Variants in FAF1 observed in about 807,000 individuals in gnomAD.
The protein encoded by FAF1 is Fas associated factor 1.
In FAF1, 25 loss-of-function variants were observed where a neutral mutation model predicts 92.5. That is an observed-to-expected ratio of 0.27 (90% CI 0.20 to 0.38). The LOEUF (loss-of-function observed/expected upper bound fraction) is 0.38, where lower values mean the gene tolerates loss of function less well. FAF1 is among the 10% of genes least tolerant of loss of function. The pLI, the probability that FAF1 is intolerant of heterozygous loss-of-function variation, is 1.00. For missense variants in FAF1, 636 were observed against 793.3 expected, an observed-to-expected ratio of 0.80 and a Z score of 2.38; for synonymous variants, 234 against 273.2, an observed-to-expected ratio of 0.86 and a Z score of 1.42.
chr1:50,642,568 G>A (rs1654389403), intron 8 of FAF1, among the ~76,000 whole-genome samples: 1 of 151,942 alleles, frequency 6.6e-6, no homozygotes, highest in South Asian at 2.1e-4. Context: ...AGAGTCACTT[G>A]AACCCGGGAG....
chr1:50,679,445 T>C (rs1408242816), intron 7 of FAF1, among the ~76,000 whole-genome samples: 2 of 144,494 alleles, frequency 1.4e-5, no homozygotes, highest in African/African-American at 5.1e-5. Context: ...ACTTCACAGA[T>C]GAAAAAAAAA....
intron 1 of FAF1, among the ~76,000 whole-genome samples, chr1:50,959,443 G>A (rs1338032081): frequency 6.6e-6 from 1 of 151,790 alleles, no homozygotes; most frequent in African/African-American, 2.4e-5. Flanking sequence ...CATACTTAAT[G>A]GTCCAACACC....
chr1:50,558,811 A>G (rs1320263889), intron 13 of FAF1, among the ~76,000 whole-genome samples: 2 of 152,212 alleles, frequency 1.3e-5, no homozygotes, highest in East Asian at 1.9e-4. Flanking sequence ...TTTTAAAAAC[A>G]AATGCTTTGA....
At chr1:50,904,368 T>C (rs569453713) in intron 1 of FAF1, among the ~76,000 whole-genome samples, 1 of 152,054 alleles carries the variant, frequency 6.6e-6, no homozygotes. Flanking sequence ...AATGGGGAAA[T>C]GAGGAATTAA....
intron 13 of FAF1, among the ~76,000 whole-genome samples, chr1:50,558,332 T>A (rs1649698513): frequency 6.6e-6 from 1 of 152,184 alleles, no homozygotes; most frequent in South Asian, 2.1e-4. Flanking sequence ...AATACAAGCA[T>A]AACCAGCTAT....
intron 2 of FAF1, among the ~76,000 whole-genome samples, chr1:50,852,320 T>C (rs749146970): frequency 6.6e-6 from 1 of 152,192 alleles, no homozygotes; most frequent in Non-Finnish European, 1.5e-5. Flanking sequence ...GACGTTCAAA[T>C]ATCCAAACAA....
At chr1:50,592,038 G>C (rs181377294) in intron 9 of FAF1, among the ~76,000 whole-genome samples, 92 of 152,060 alleles carry the variant, frequency 6.1e-4, no homozygotes, top group African/African-American at 2.2e-3. Flanking sequence ...TAGGTGTTAG[G>C]GCTACAGAGG....
intron 7 of FAF1, among the ~76,000 whole-genome samples, 192 bp from the exon 8 acceptor site, chr1:50,655,720 T>A (rs1339345629): frequency 1.3e-5 from 2 of 152,188 alleles, no homozygotes; most frequent in African/African-American, 2.4e-5. Context: ...AGATTCTCAA[T>A]GAAGACTAGA....
intron 1 of FAF1, among the ~76,000 whole-genome samples, chr1:50,918,923 T>G (rs1644941642): frequency 6.6e-6 from 1 of 151,878 alleles, no homozygotes; most frequent in Admixed American, 6.6e-5. Context: ...TGGTTTTGAT[T>G]TGCATTTCTC....
chr1:50,606,489 C>CTTT lies in FAF1; in HGVS notation c.745-10276_745-10274dup, dbSNP rs34498946. On this transcript the variant is annotated intron_variant, in intron 8 of 18. Coordinates refer to ENST00000396153, the MANE Select transcript of FAF1 (RefSeq NM_007051.3). The stretch of plus-strand genomic sequence containing the variant: ...AGATATATTGTAGCTGTGAGAGTTG[C>CTTT]TTTTTTTTTTTTTTTTTTTTTTTTT... Among the ~76,000 whole-genome samples the CTTT allele has an allele frequency of 5.8e-4, 34 of 58,556 alleles. 3 individuals carry two copies. The highest frequency in any genetic ancestry group is 9.0e-4 in the Non-Finnish European group (29 of 32,070). 38.4% of individuals were successfully genotyped at this position (58,556 alleles called of 152,430 possible).
intron 4 of FAF1, among the ~76,000 whole-genome samples, chr1:50,759,622 G>A (rs1053675324): frequency 2.0e-5 from 3 of 152,084 alleles, no homozygotes; most frequent in African/African-American, 7.2e-5. Context: ...ACGTGTGCAT[G>A]TGTCTTTATA....
At chr1:50,738,591 T>C (rs1357997743) in intron 6 of FAF1, among the ~76,000 whole-genome samples, 1 of 152,218 alleles carries the variant, frequency 6.6e-6, no homozygotes, top group Non-Finnish European at 1.5e-5. Context: ...ACTTGGATCC[T>C]TTCCCTTCAG....
chr1:50,791,483 GGAGATTAGTA>G (rs1316108896), intron 3 of FAF1, among the ~76,000 whole-genome samples: 1 of 152,160 alleles, frequency 6.6e-6, no homozygotes. Context: ...AAAGAGGGGA[GGAGATTAGTA>G]GAGATTAGTA....
At chr1:50,745,474 T>C (rs1659551846) in intron 4 of FAF1, among the ~76,000 whole-genome samples, 1 of 152,118 alleles carries the variant, frequency 6.6e-6, no homozygotes, top group African/African-American at 2.4e-5. Flanking sequence ...TAATTCCCAG[T>C]GTTGGAAGTG....
chr1:50,838,408 T>TTAATTTTACATGTTAATGTAAATA (rs1226583652), intron 2 of FAF1, among the ~76,000 whole-genome samples: 4 of 150,416 alleles, frequency 2.7e-5, no homozygotes, highest in East Asian at 1.9e-4. Flanking sequence ...TACATTACTT[T>TTAATTTTACATGTTAATGTAAATA]TAATTTTACA....
intron 12 of FAF1, among the ~76,000 whole-genome samples, chr1:50,577,897 G>A (rs1018685358): frequency 3.3e-5 from 5 of 152,206 alleles, no homozygotes; most frequent in African/African-American, 1.2e-4. Context: ...GTACAGTACT[G>A]TAAATTCCTC....
chr1:50,564,405 C>A (rs893437477), intron 13 of FAF1, among the ~76,000 whole-genome samples: 2 of 151,946 alleles, frequency 1.3e-5, no homozygotes, highest in Admixed American at 1.3e-4. Flanking sequence ...AAAAGGAAGC[C>A]CAAAACAACA....
rs1384476518 is a variant in FAF1 at position 50,527,677 on chromosome 1, T to G, written c.1494+7692A>C. On this transcript the variant is annotated intron_variant, in intron 15 of 18. Transcript: ENST00000396153. ...TACTTTGCACACATTAGTAGTTTCA[T>G]CCAACTGTAAAGTATCTCTCTAGTA... 2.6e-5 allele frequency among the ~76,000 whole-genome samples: 4 copies of G among 152,316 alleles called. No individual in the cohort carries two copies. The East Asian group carries it at 7.7e-4, about 29-fold the overall frequency.
chr1:50,513,187 G>A (rs772547165), intron 15 of FAF1, among the ~76,000 whole-genome samples: 8 of 152,078 alleles, frequency 5.3e-5, no homozygotes, highest in South Asian at 2.1e-4. Flanking sequence ...TGATAAAAAC[G>A]AATTCTCACT....
Sources: allele counts gnomAD v4.1 joint callset (sites outside exome capture counted in the v4.1 genomes callset), GRCh38; gene constraint gnomAD v4.1.1; transcripts MANE v1.5; gene names NCBI Gene and HGNC (gene_info 2026-07-23, HGNC 2026-07-21).